SORCS2: variants seen among roughly 807,000 people sequenced by gnomAD.
SORCS2 encodes the protein VPS10 domain-containing receptor SorCS2.
SORCS2 carries 100 observed loss-of-function variants against 141.6 expected under a neutral mutation model. The observed-to-expected ratio is 0.71, with a 90% CI of 0.60 to 0.83. The LOEUF (loss-of-function observed/expected upper bound fraction) is 0.83. Among genes scored for constraint, SORCS2 ranks in the 40% least tolerant of loss-of-function variants. SORCS2 has a pLI of 0.00. For synonymous variants in SORCS2, 789 were observed against 676.9 expected (o/e 1.17, Z -2.57); for missense variants, 1,646 against 1,560.2 (o/e 1.05, Z -0.93).
intron 1 of SORCS2, among the ~76,000 whole-genome samples, chr4:7,339,353 T>C (rs1286272239): frequency 2.0e-5 from 3 of 152,182 alleles, no homozygotes; most frequent in Non-Finnish European, 4.4e-5. Context: ...ACAGCTGGTG[T>C]AGGAAAGTTG....
At position 7,707,614 on chromosome 4, in the gene SORCS2, C is replaced by T. The variant is rs1033844392; in HGVS notation, c.1868+3330C>T. Among the ~76,000 whole-genome samples, 3 of 152,358 alleles carry T rather than the reference C, an allele frequency of 2.0e-5. No homozygotes were observed. The South Asian group carries it at 6.2e-4, about 32-fold the overall frequency. Reference sequence around the variant, plus strand: ...CCTCACCCCTTCGAGGATCTGATCCCATCTGCAGGGTTGCCCTTGCTGGTG... The same window carrying T: ...CCTCACCCCTTCGAGGATCTGATCCTATCTGCAGGGTTGCCCTTGCTGGTG... On this transcript the variant is annotated intron_variant, in intron 14 of 26. Transcript: ENST00000507866.
chr4:7,336,740 G>A lies in SORCS2; in HGVS notation c.481-59548G>A, dbSNP rs566887196. On this transcript the variant is annotated intron_variant, in intron 1 of 26. Transcript: ENST00000507866. Reference sequence around the variant, plus strand: ...TGGTGGAAGCGCCAGTAGCACCTTGGGTGAGCCGTGCCCAGACGCAATCCC... The same window carrying A: ...TGGTGGAAGCGCCAGTAGCACCTTGAGTGAGCCGTGCCCAGACGCAATCCC... 3.9e-5 allele frequency among the ~76,000 whole-genome samples: 6 copies of A among 152,026 alleles called. No individual in the cohort carries two copies. The South Asian group carries it at 1.3e-3, about 32-fold the overall frequency.
At chr4:7,488,967 G>T (rs752654572) in intron 2 of SORCS2, among the ~76,000 whole-genome samples, 1 of 152,204 alleles carries the variant, frequency 6.6e-6, no homozygotes, top group African/African-American at 2.4e-5. Context: ...CTACATTTAC[G>T]TATTCGTGCT....
chr4:7,292,841 A>G (rs1009971407), intron 1 of SORCS2, among the ~76,000 whole-genome samples: 1 of 152,242 alleles, frequency 6.6e-6, no homozygotes, highest in Admixed American at 6.5e-5. Flanking sequence ...AGTGTGCTGA[A>G]TTTCTTTTCC....
chr4:7,216,588 G>A (rs1728363345), intron 1 of SORCS2, among the ~76,000 whole-genome samples: 1 of 152,064 alleles, frequency 6.6e-6, no homozygotes, highest in South Asian at 2.1e-4. Context: ...AACATCCAGA[G>A]GTGCCCACAT....
At chr4:7,518,881 C>T (rs776658399) in intron 2 of SORCS2, among the ~76,000 whole-genome samples, 34 of 152,180 alleles carry the variant, frequency 2.2e-4, no homozygotes, top group East Asian at 1.4e-3. Flanking sequence ...GATCATCGGA[C>T]GGCTGCTTCA....
intron 1 of SORCS2, among the ~76,000 whole-genome samples, chr4:7,206,345 T>TG (rs1727739743): frequency 6.6e-6 from 1 of 152,144 alleles, no homozygotes; most frequent in South Asian, 2.1e-4. Flanking sequence ...CGAGGACTTC[T>TG]GAAAGGAGGA....
At chr4:7,505,333 G>A (rs1732214228) in intron 2 of SORCS2, among the ~76,000 whole-genome samples, 1 of 152,148 alleles carries the variant, frequency 6.6e-6, no homozygotes, top group African/African-American at 2.4e-5. Flanking sequence ...CGGGGCTGGG[G>A]GCTGTTCTCA....
At chr4:7,633,615 G>C (rs377026512) in intron 3 of SORCS2, among the ~76,000 whole-genome samples, 34 of 152,342 alleles carry the variant, frequency 2.2e-4, no homozygotes, top group Middle Eastern at 6.8e-3. Context: ...GCAAAACTTT[G>C]AGTGGTGAAG....
chr4:7,639,868 CGTGT>C (rs1720543572), intron 4 of SORCS2, among the ~76,000 whole-genome samples: 1 of 144,714 alleles, frequency 6.9e-6, no homozygotes, highest in African/African-American at 2.5e-5. Flanking sequence ...TGTGTGATTG[CGTGT>C]ATGAGTGCAT....
At chr4:7,256,114 G>A (rs933585165) in intron 1 of SORCS2, among the ~76,000 whole-genome samples, 10 of 152,152 alleles carry the variant, frequency 6.6e-5, no homozygotes, top group Admixed American at 3.3e-4. Context: ...CTACAAACTC[G>A]GACCTCTTCA....
intron 3 of SORCS2, among the ~76,000 whole-genome samples, chr4:7,636,499 CT>C (rs1407468422): frequency 2.0e-5 from 3 of 152,142 alleles, no homozygotes; most frequent in African/African-American, 7.2e-5. Flanking sequence ...GCTGTGCGAC[CT>C]CAGGTAAGTT....
chr4:7,518,882 G>A (rs1019217469), intron 2 of SORCS2, among the ~76,000 whole-genome samples: 2 of 152,054 alleles, frequency 1.3e-5, no homozygotes, highest in South Asian at 2.1e-4. Flanking sequence ...ATCATCGGAC[G>A]GCTGCTTCAC....
chr4:7,711,084 G>C (rs1330237391), intron 14 of SORCS2, among the ~76,000 whole-genome samples: 3 of 152,186 alleles, frequency 2.0e-5, no homozygotes, highest in African/African-American at 7.2e-5. Flanking sequence ...GTCCCTGGGG[G>C]GAAGGTCCAG....
At chr4:7,723,092 G>A (rs1726704386) in intron 18 of SORCS2, among the ~76,000 whole-genome samples, 1 of 152,116 alleles carries the variant, frequency 6.6e-6, no homozygotes, top group Admixed American at 6.5e-5. Context: ...TGGTGGAGCG[G>A]CCTCTCTGGG....
intron 1 of SORCS2, among the ~76,000 whole-genome samples, chr4:7,372,654 G>A (rs111947062): frequency 6.6e-6 from 1 of 152,174 alleles, no homozygotes; most frequent in Non-Finnish European, 1.5e-5. Context: ...TTCGATAAAT[G>A]CATACACTCA....
Position 7,729,683 on chromosome 4 carries a change from A to G in SORCS2, c.3079A>G (p.Thr1027Ala), listed in dbSNP as rs1711522131. ...CGTGCTCCTGCCCCCTCCCAGGCCC[A>G]CAAGGAAGAGGAGCCTCTCGAGTGA... The part of the protein sequence containing the change: ...LYVLLPPPRP[T>A]RKRSLSSDKR... The change falls in exon 23 of 27, where the codon ACA becomes GCA. Residue 1027 changes from threonine (T) to alanine (A), a missense_variant. Thr to Ala is a moderately conservative substitution (Grantham distance 58, BLOSUM62 0). Transcript: ENST00000507866. 1.9e-6 allele frequency: 3 copies of G among 1,610,058 alleles called. No individual in the cohort carries two copies. Among genetic ancestry groups the G allele is most frequent in the Non-Finnish European group, 2.5e-6 (3 of 1,178,446 alleles).
Position 7,499,288 on chromosome 4 carries a change from C to T in SORCS2, c.549-32242C>T, listed in dbSNP as rs748025310. Among the ~76,000 whole-genome samples, 10 of 152,266 alleles carry T rather than the reference C, an allele frequency of 6.6e-5. No homozygotes were observed. The South Asian group carries it at 8.3e-4, about 13-fold the overall frequency. On this transcript the variant is annotated intron_variant, in intron 2 of 26. Coordinates refer to ENST00000507866, the MANE Select transcript of SORCS2 (RefSeq NM_020777.3). ...AGGTCGGGGGACAGTGAGACGAAGCCGGACTCTGGAGGACATGGGAGCCTA... is the reference window on the plus strand; with the variant it reads ...AGGTCGGGGGACAGTGAGACGAAGCTGGACTCTGGAGGACATGGGAGCCTA...
At chr4:7,569,528 A>T (rs561912331) in intron 3 of SORCS2, among the ~76,000 whole-genome samples, 42 of 152,198 alleles carry the variant, frequency 2.8e-4, no homozygotes, top group African/African-American at 9.2e-4. Flanking sequence ...AAAAGAAAAA[A>T]GAAATATCTA....
Sources: allele counts gnomAD v4.1 joint callset (sites outside exome capture counted in the v4.1 genomes callset), GRCh38; gene constraint gnomAD v4.1.1; transcripts MANE v1.5; gene names NCBI Gene and HGNC (gene_info 2026-07-23, HGNC 2026-07-21).